Variants in BEAN1 observed in about 807,000 individuals in gnomAD.
BEAN1 encodes the protein protein BEAN1.
Under a neutral mutation model 17.7 loss-of-function variants are expected in BEAN1, and 17 were observed. The ratio of observed to expected loss-of-function variants is 0.96; its 90% CI spans 0.66 to 1.44. The LOEUF is 1.44. BEAN1 is among the 40% of genes most tolerant of loss of function. The probability of loss-of-function intolerance (pLI) is 0.00; values close to 1 mark genes in which losing one functional copy is unlikely to be tolerated. For missense variants in BEAN1, 359 were observed against 374.1 expected, an observed-to-expected ratio of 0.96 and a Z score of 0.33; for synonymous variants, 142 against 151.8, an observed-to-expected ratio of 0.94 and a Z score of 0.47.
intron 2 of BEAN1, among the ~76,000 whole-genome samples, chr16:66,438,777 CCTG>C (rs756943938): frequency 2.6e-5 from 4 of 152,224 alleles, no homozygotes; most frequent in Non-Finnish European, 4.4e-5. Flanking sequence ...ACAGCAGCCA[CCTG>C]CTTTCTTCCA....
rs548957639 is a variant in BEAN1 at position 66,446,812 on chromosome 16, G to A, written c.25+9111G>A. ...GGGGGAGGGATTTTCCTACTAACAG[G>A]AATGAGTAAGGACATTTCTGTTTCT... On this transcript the variant is annotated intron_variant, in intron 2 of 4. Coordinates refer to ENST00000536005, the MANE Select transcript of BEAN1 (RefSeq NM_001178020.3). 2.4e-4 allele frequency among the ~76,000 whole-genome samples: 36 copies of A among 152,292 alleles called. No individual in the cohort carries two copies. The Middle Eastern group carries it at 0.01, about 43-fold the overall frequency.
In BEAN1 at chr16:66,432,534, C is replaced by A. The variant is rs571477647; in HGVS notation, c.-82-5061C>A. Reference sequence around the variant, plus strand: ...CATGCACACCCGCAGATCCATGAAACCCCTGTGACATGGCATCATGCCTTC... The same window carrying A: ...CATGCACACCCGCAGATCCATGAAAACCCTGTGACATGGCATCATGCCTTC... On this transcript the variant is annotated intron_variant, in intron 1 of 4. Transcript: ENST00000536005. Among the ~76,000 whole-genome samples, 164 of 152,366 alleles carry A rather than the reference C, an allele frequency of 1.1e-3. 1 individual carries two copies. The highest frequency in any genetic ancestry group is 3.8e-3 in the African/African-American group (160 of 41,584).
At chr16:66,475,913 A>G (rs1170912884) in intron 3 of BEAN1, 5 of 152,316 alleles carry the variant, frequency 3.3e-5, no homozygotes, top group Admixed American at 1.3e-4. Context: ...GATTGAGGCC[A>G]TCCTGGCTAA....
intron 4 of BEAN1, among the ~76,000 whole-genome samples, chr16:66,479,976 AG>A (rs1963922960): frequency 6.6e-6 from 1 of 152,050 alleles, no homozygotes; most frequent in South Asian, 2.1e-4. Context: ...GTACTCGAAG[AG>A]GGAAAGGGGT....
downstream of BEAN1, chr16:66,485,445 C>G (rs1964075257): frequency 6.4e-6 from 2 of 311,784 alleles, no homozygotes; most frequent in African/African-American, 2.2e-5. Flanking sequence ...GGTGGAGAGA[C>G]AGTAAGCTTC....
At position 66,473,721 on chromosome 16, in the gene BEAN1, TAATA is replaced by T. The variant is rs985792827; in HGVS notation, c.290-3833_290-3830del. ...CTAAATAAATAAATAAATAAATAAA[TAATA>T]AATAATAAATAAAGAGGGAGGGGCA... On this transcript the variant is annotated intron_variant, in intron 3 of 4. Coordinates refer to ENST00000536005, the MANE Select transcript of BEAN1 (RefSeq NM_001178020.3). This position sits in a 1 kb window ranked among gnomAD's most constrained non-coding sequence, Gnocchi z 4.5. Among the ~76,000 whole-genome samples the T allele has an allele frequency of 6.7e-6, 1 of 150,352 alleles. No homozygotes were observed. The highest frequency in any genetic ancestry group is 1.5e-5 in the Non-Finnish European group (1 of 67,454).
chr16:66,472,011 C>T (rs1963502189), intron 3 of BEAN1, among the ~76,000 whole-genome samples: 1 of 152,224 alleles, frequency 6.6e-6, no homozygotes, highest in African/African-American at 2.4e-5. Context: ...CCAGCTCCTC[C>T]CACTCTTTTC....
At chr16:66,492,855 C>A (rs1308883621) in intron 4 of BEAN1, 1 of 612,620 alleles carries the variant, frequency 1.6e-6, no homozygotes, top group East Asian at 2.7e-5. Context: ...TTCTCAGGAG[C>A]CCCTGGTGTC....
exon 5 of BEAN1, chr16:66,493,464 C>T (rs1303993533): frequency 1.7e-6 from 1 of 605,274 alleles, no homozygotes; most frequent in Non-Finnish European, 2.9e-6. Context: ...CATGGCAGCA[C>T]ATGCCTGGAC....
intron 1 of BEAN1, among the ~76,000 whole-genome samples, chr16:66,433,737 CA>C (rs1490369724): frequency 1.3e-5 from 2 of 152,238 alleles, no homozygotes; most frequent in East Asian, 3.8e-4. Flanking sequence ...AGCAACTGAG[CA>C]GAGGCTGTGT....
intron 4 of BEAN1, among the ~76,000 whole-genome samples, chr16:66,491,390 C>A (rs187316662): frequency 4.5e-4 from 68 of 152,356 alleles, no homozygotes; most frequent in African/African-American, 1.6e-3. Context: ...AAGGTAGGCA[C>A]TGCCACATGT....
At chr16:66,472,971 A>T (rs1490608394) in intron 3 of BEAN1, among the ~76,000 whole-genome samples, 2 of 152,084 alleles carry the variant, frequency 1.3e-5, no homozygotes, top group East Asian at 3.9e-4. Flanking sequence ...GTGAGCTATG[A>T]TCTCACCACT....
chr16:66,490,431 A>C lies in BEAN1; in HGVS notation c.148-2531A>C, dbSNP rs555888921. Among the ~76,000 whole-genome samples the C allele has an allele frequency of 6.4e-4, 90 of 140,214 alleles. 1 individual carries two copies. Among genetic ancestry groups the C allele is most frequent in the Non-Finnish European group, 9.5e-4 (62 of 65,068 alleles). The allele number at this position is 140,214 out of a possible 152,430, so 92.0% of individuals were successfully genotyped here. A position where few individuals can be genotyped will look rare whatever the true frequency, so the allele number is the denominator to read the frequency against. ...AAATAAAATAAAATAAAATAAAATAAAATAAAATAAAATAAAATAAAATAA... is the reference window on the plus strand; with the variant it reads ...AAATAAAATAAAATAAAATAAAATACAATAAAATAAAATAAAATAAAATAA... On this transcript the variant is annotated intron_variant, in intron 4 of 4. Transcript: ENST00000561796.
intron 1 of BEAN1, among the ~76,000 whole-genome samples, chr16:66,428,892 G>T (rs1191744419): frequency 6.6e-6 from 1 of 152,066 alleles, no homozygotes; most frequent in Non-Finnish European, 1.5e-5. Context: ...TTTCTCAGAC[G>T]CTCCCTCCTC....
intron 4 of BEAN1, among the ~76,000 whole-genome samples, chr16:66,478,581 G>T (rs368020548): frequency 6.6e-6 from 1 of 152,166 alleles, no homozygotes; most frequent in African/African-American, 2.4e-5. Flanking sequence ...CAGCCTTAGC[G>T]ACAGAGTGAG....
At chr16:66,467,722 C>T (rs1963306625) in intron 2 of BEAN1, among the ~76,000 whole-genome samples, 1 of 152,212 alleles carries the variant, frequency 6.6e-6, no homozygotes, top group Admixed American at 6.5e-5. Context: ...CGCTCCCTCA[C>T]TCCAGTGCGT....
chr16:66,469,293 A>T (rs1366318356), intron 2 of BEAN1, among the ~76,000 whole-genome samples: 2 of 152,214 alleles, frequency 1.3e-5, no homozygotes, highest in Non-Finnish European at 2.9e-5. Context: ...TTGCTGGGTA[A>T]CCTTGGGCAA....
At chr16:66,439,971 AC>A (rs1000634119) in intron 2 of BEAN1, among the ~76,000 whole-genome samples, 2 of 152,090 alleles carry the variant, frequency 1.3e-5, no homozygotes, top group Non-Finnish European at 2.9e-5. Flanking sequence ...TCCAAGAAGC[AC>A]CTGGTGTCCC....
At position 66,482,472 on chromosome 16, in the gene BEAN1, G is replaced by A. The variant is rs1259116637; in HGVS notation, c.*1547G>A. 2.1e-5 allele frequency: 4 copies of A among 186,746 alleles called. No homozygotes were observed. The highest frequency in any genetic ancestry group is 4.5e-5 in the Non-Finnish European group (4 of 88,636). 11.6% of individuals were successfully genotyped at this position (186,746 alleles called of 1,614,324 possible). A position where few individuals can be genotyped will look rare whatever the true frequency, so the allele number is the denominator to read the frequency against. On this transcript the variant is annotated 3_prime_UTR_variant, in exon 5 of 5. Transcript: ENST00000536005. ...ACCCAGAAGTTCTGTAGCATCCTGC[G>A]TGCAGCCTCCTGGAGCCCCAGACTC...
Sources: allele counts gnomAD v4.1 joint callset (sites outside exome capture counted in the v4.1 genomes callset), GRCh38; gene constraint gnomAD v4.1.1; non-coding constraint Gnocchi (gnomAD v3.1); transcripts MANE v1.5; gene names NCBI Gene and HGNC (gene_info 2026-07-23, HGNC 2026-07-21).